The following LSS variants were observed in gnomAD, a reference collection of about 807,000 sequenced individuals.
The protein encoded by LSS is 2,3-epoxysqualene-lanosterol cyclase.
A neutral mutation model predicts 110.3 loss-of-function variants in LSS; 90 were observed. The ratio of observed to expected loss-of-function variants is 0.82; its 90% CI spans 0.69 to 0.97. LSS has a LOEUF of 0.97. Ranked by LOEUF, LSS falls within the 50% of genes least tolerant of loss-of-function variation. The probability of loss-of-function intolerance (pLI) is 0.00; values close to 1 mark genes in which losing one functional copy is unlikely to be tolerated. For synonymous variants in LSS, 433 were observed against 400.0 expected (o/e 1.08, Z -0.98); for missense variants, 927 against 990.0 (o/e 0.94, Z 0.85).
intron 3 of LSS, among the ~76,000 whole-genome samples, chr21:46,224,452 C>A (rs542522115): frequency 6.6e-6 from 1 of 152,180 alleles, no homozygotes; most frequent in Non-Finnish European, 1.5e-5. Flanking sequence ...CATCGCCGCA[C>A]ACAGGGAGAG....
At chr21:46,197,128 G>T (rs1317229514) in intron 17 of LSS, among the ~76,000 whole-genome samples, 1 of 152,214 alleles carries the variant, frequency 6.6e-6, no homozygotes, top group East Asian at 1.9e-4. Flanking sequence ...AAGCCACTAG[G>T]TTTGTACTAA....
rs1280052449 is a variant in LSS, at chr21:46,195,704, C to T, written c.1789G>A (p.Ala597Thr). 7 of 1,613,712 alleles carry T rather than the reference C, an allele frequency of 4.3e-6. No homozygotes were observed. The highest frequency in any genetic ancestry group is 1.1e-5 in the South Asian group (1 of 91,060). ...TCTCGGTAGGTCTGCCCCATACAGGCGAAGGCCTCCAGGCCAAACCAGGTG... is the reference window on the plus strand; with the variant it reads ...TCTCGGTAGGTCTGCCCCATACAGGTGAAGGCCTCCAGGCCAAACCAGGTG... ...YGTWFGLEAFACMGQTYRDGT... is the reference protein window; with the variant it reads ...YGTWFGLEAFTCMGQTYRDGT... The change falls in exon 19 of 22, where the codon GCC (alanine) becomes ACC (threonine). Residue 597 changes from alanine (A) to threonine (T), a missense_variant. Transcript: ENST00000397728.
intron 17 of LSS, among the ~76,000 whole-genome samples, chr21:46,202,625 T>C (rs980148518): frequency 1.3e-5 from 2 of 152,156 alleles, no homozygotes; most frequent in Non-Finnish European, 2.9e-5. Flanking sequence ...TGGCTCACTC[T>C]GTAATCCCAG....
intron 13 of LSS, 136 bp from the exon 14 acceptor site, chr21:46,208,437 G>A (rs937074307): frequency 9.4e-5 from 74 of 786,858 alleles, no homozygotes; most frequent in Non-Finnish European, 1.5e-4. Flanking sequence ...GCCGGCCACA[G>A]CCACCACTGG....
At chr21:46,228,115 C>A (rs1018962908) in intron 2 of LSS, among the ~76,000 whole-genome samples, 2 of 152,242 alleles carry the variant, frequency 1.3e-5, no homozygotes, top group Admixed American at 6.5e-5. Context: ...TCTTACAATG[C>A]ACACAACTAA....
chr21:46,188,669 G>C lies in LSS; in HGVS notation c.*2435C>G, dbSNP rs1045965697. On this transcript the variant is annotated 3_prime_UTR_variant, in exon 22 of 22. Transcript: ENST00000397728. ...TTGTGAACAAAAAGTCCTCTTCGTG[G>C]AACAGGAAAAATACACTCCCTCTAA... The C allele has an allele frequency of 4.2e-6, 2 of 470,796 alleles. No individual in the cohort carries two copies. Among genetic ancestry groups the C allele is most frequent in the Admixed American group, 4.7e-5 (2 of 42,550 alleles). The allele number at this position is 470,796 out of a possible 1,614,324, so 29.2% of individuals were successfully genotyped here.
chr21:46,219,975 C>T (rs535862636), intron 5 of LSS, among the ~76,000 whole-genome samples: 2 of 152,314 alleles, frequency 1.3e-5, no homozygotes, highest in South Asian at 4.1e-4. Flanking sequence ...CACTCAGCCT[C>T]GCCCTCTGAG....
chr21:46,206,933 C>G (rs2080057817), intron 15 of LSS, among the ~76,000 whole-genome samples, 165 bp from the exon 16 acceptor site: 1 of 152,154 alleles, frequency 6.6e-6, no homozygotes. Context: ...TCGGGTGCCC[C>G]AAGCAGCAGC....
chr21:46,201,059 AG>A (rs1410432057), intron 17 of LSS, among the ~76,000 whole-genome samples: 1 of 147,744 alleles, frequency 6.8e-6, no homozygotes, highest in Non-Finnish European at 1.5e-5. Context: ...TGAAGCCCTG[AG>A]GGTAGAGCCT....
At chr21:46,192,015 C>T (rs1042246784) in intron 20 of LSS, 56 bp from the exon 21 acceptor site, 17 of 1,283,582 alleles carry the variant, frequency 1.3e-5, no homozygotes, top group Non-Finnish European at 1.9e-5. Flanking sequence ...CAGCATCATC[C>T]TCACCCTCAC....
Position 46,208,175 on chromosome 21 carries a change from C to T in LSS, c.1317+76G>A, listed in dbSNP as rs532162925. 5 of 1,407,272 alleles carry T rather than the reference C, an allele frequency of 3.6e-6. No individual in the cohort carries two copies. In the African/African-American group the frequency reaches 7.1e-5, roughly 20 times the overall value. 87.2% of individuals were successfully genotyped at this position (1,407,272 alleles called of 1,614,324 possible). On this transcript the variant is annotated intron_variant, in intron 14 of 21. Coordinates refer to ENST00000397728, the MANE Select transcript of LSS (RefSeq NM_002340.6). The stretch of plus-strand genomic sequence containing the variant: ...GTCCCCCAGGGAGGAGCCCCCCCTT[C>T]AGAGGGAAGGACCCACCCTGCTGAG...
chr21:46,214,481 G>A (rs1377354246), intron 9 of LSS, among the ~76,000 whole-genome samples: 1 of 152,214 alleles, frequency 6.6e-6, no homozygotes, highest in African/African-American at 2.4e-5. Flanking sequence ...CAGAAAATCC[G>A]AGATGCAGTG....
intron 17 of LSS, among the ~76,000 whole-genome samples, chr21:46,202,635 G>A (rs1287853033): frequency 1.3e-5 from 2 of 152,286 alleles, no homozygotes; most frequent in African/African-American, 4.8e-5. Context: ...TGTAATCCCA[G>A]CATTTGGGGA....
chr21:46,191,101 T>A lies in LSS; in HGVS notation c.*3A>T, dbSNP rs764821380. ...AGACGGCACCCAGCAGGTAGGCATG[T>A]TCTCAGGGGTGGCCAGCAAGGGCTC... On this transcript the variant is annotated 3_prime_UTR_variant, in exon 22 of 22. Coordinates refer to ENST00000397728, the MANE Select transcript of LSS (RefSeq NM_002340.6). The A allele has an allele frequency of 1.9e-6, 3 of 1,613,998 alleles. No homozygotes were observed. Among genetic ancestry groups the A allele is most frequent in the Non-Finnish European group, 2.5e-6 (3 of 1,179,984 alleles).
intron 18 of LSS, among the ~76,000 whole-genome samples, 197 bp from the exon 19 acceptor site, chr21:46,195,953 C>T (rs890464870): frequency 9.2e-5 from 14 of 152,236 alleles, no homozygotes; most frequent in Non-Finnish European, 1.6e-4. Flanking sequence ...GGAATAGCCA[C>T]GCTCAGGCTA....
At position 46,207,044 on chromosome 21, in the gene LSS, C is replaced by T. The variant is rs562893280; in HGVS notation, c.1468-276G>A. Among the ~76,000 whole-genome samples the T allele has an allele frequency of 1.1e-3, 171 of 152,332 alleles. 7 individuals carry two copies. In the South Asian group the frequency reaches 0.034, roughly 30 times the overall value. ...CCAAGTCTGTGCTGCCAGAAAAGGG[C>T]AGGGTCTCCACTGGGAAACACACAC... On this transcript the variant is annotated intron_variant, in intron 15 of 21. Transcript: ENST00000397728.
At position 46,190,853 on chromosome 21, in the gene LSS, CT is replaced by C. The variant is rs2123680361; in HGVS notation, c.*250del. Reference sequence around the variant, plus strand: ...CGCTGTGCCTCCTCAGGGGTCACGGCTCCTGTGCCCCCTTCCTCACCCAAGC... The same window carrying C: ...CGCTGTGCCTCCTCAGGGGTCACGGCCCTGTGCCCCCTTCCTCACCCAAGC... On this transcript the variant is annotated 3_prime_UTR_variant, in exon 22 of 22. Transcript: ENST00000397728. This position sits in a 1 kb window ranked among gnomAD's most constrained non-coding sequence, Gnocchi z 4.6. 12 of 516,492 alleles carry C rather than the reference CT, an allele frequency of 2.3e-5. No individual in the cohort carries two copies. The South Asian group carries it at 2.9e-4, about 12-fold the overall frequency. The allele number at this position is 516,492 out of a possible 1,614,324, so 32.0% of individuals were successfully genotyped here. A position where few individuals can be genotyped will look rare whatever the true frequency, so the allele number is the denominator to read the frequency against.
At position 46,228,509 on chromosome 21, in the gene LSS, C is replaced by T. The variant is rs777138282; in HGVS notation, c.105G>A (p.Thr35=). 1.4e-5 allele frequency: 23 copies of T among 1,601,990 alleles called. No homozygotes were observed. The highest frequency in any genetic ancestry group is 2.2e-5 in the South Asian group (2 of 90,962). ...CGCGCTCGTCCTGCAGGTAGGTCCACGTCTGCCGGCCCCTCTCGCAGTTGA... is the reference window on the plus strand; with the variant it reads ...CGCGCTCGTCCTGCAGGTAGGTCCATGTCTGCCGGCCCCTCTCGCAGTTGA... ...WRLNCERGRQ[T]WTYLQDERAG... Residue 35 remains threonine (T), a synonymous_variant, in exon 2 of 22, where the codon ACG becomes ACA. Transcript: ENST00000397728.
At chr21:46,206,454 G>GACCTGATGCCCTCCTATCCACA (rs1392128804) in intron 16 of LSS, among the ~76,000 whole-genome samples, 1 of 152,208 alleles carries the variant, frequency 6.6e-6, no homozygotes, top group Non-Finnish European at 1.5e-5. Context: ...CCCTAGGTCT[G>GACCTGATGCCCTCCTATCCACA]ACCTGATGCC....
Sources: gnomAD v4.1 joint callset for allele counts (sites outside exome capture counted in the v4.1 genomes callset) on GRCh38, gnomAD v4.1.1 for gene constraint, Gnocchi (gnomAD v3.1) non-coding constraint, MANE v1.5 for transcripts, NCBI Gene and HGNC (gene_info 2026-07-23, HGNC 2026-07-21) for gene names.